The following KALRN variants were observed in gnomAD, a reference collection of about 807,000 sequenced individuals.
The protein encoded by KALRN is kalirin.
Under a neutral mutation model 353.7 loss-of-function variants are expected in KALRN, and 70 were observed. The ratio of observed to expected loss-of-function variants is 0.20; its 90% confidence interval spans 0.16 to 0.24. KALRN has a LOEUF of 0.24. Ranked by LOEUF, KALRN falls within the 10% of genes least tolerant of loss-of-function variation. The pLI is 1.00. For missense variants in KALRN, 2,791 were observed against 3,756.7 expected (o/e 0.74, Z 6.72); for synonymous variants, 1,391 against 1,434.8 (o/e 0.97, Z 0.69).
At chr3:124,482,228 G>A (rs1294693939) in intron 27 of KALRN, among the ~76,000 whole-genome samples, 1 of 152,214 alleles carries the variant, frequency 6.6e-6, no homozygotes, top group African/African-American at 2.4e-5. Flanking sequence ...GAAGAATGAA[G>A]GAGGTGCTAT....
At chr3:124,356,955 T>C (rs2083487632) in intron 10 of KALRN, among the ~76,000 whole-genome samples, 1 of 152,212 alleles carries the variant, frequency 6.6e-6, no homozygotes, top group Non-Finnish European at 1.5e-5. Context: ...CCATTGGCTC[T>C]GTGGACACCT....
At chr3:124,044,251 C>G (rs1156487501) in intron 1 of KALRN, among the ~76,000 whole-genome samples, 1 of 152,136 alleles carries the variant, frequency 6.6e-6, no homozygotes, top group East Asian at 1.9e-4. Flanking sequence ...CTCCAGAGGG[C>G]TGGGGAGTAG....
intron 1 of KALRN, among the ~76,000 whole-genome samples, chr3:124,137,231 T>C (rs2066035409): frequency 6.6e-6 from 1 of 152,192 alleles, no homozygotes; most frequent in Admixed American, 6.5e-5. Context: ...AACACTGTTC[T>C]AGATGCTGTA....
chr3:124,482,942 C>A, intron 28 of KALRN, 42 bp downstream of exon 28: 1 of 1,362,818 alleles, frequency 7.3e-7, no homozygotes, highest in Non-Finnish European at 1.1e-6. Context: ...CTGCCTACTG[C>A]CTGGGGCAAG....
chr3:124,360,470 G>A (rs2083907251), intron 10 of KALRN, among the ~76,000 whole-genome samples: 1 of 152,160 alleles, frequency 6.6e-6, no homozygotes, highest in Non-Finnish European at 1.5e-5. Context: ...TCTGCCTAGT[G>A]GCCCTCCTCA....
chr3:124,313,393 C>T (rs1453993477), intron 6 of KALRN, among the ~76,000 whole-genome samples: 1 of 152,228 alleles, frequency 6.6e-6, no homozygotes, highest in African/African-American at 2.4e-5. Flanking sequence ...CCAGCCAGAC[C>T]TGTTCTTATC....
intron 6 of KALRN, among the ~76,000 whole-genome samples, chr3:124,325,179 T>C (rs1175160911): frequency 3.3e-5 from 5 of 152,190 alleles, no homozygotes; most frequent in Non-Finnish European, 5.9e-5. Context: ...TGGGAATGAA[T>C]GTAAACAAAA....
At chr3:124,586,505 T>C (rs2075201145) in intron 34 of KALRN, among the ~76,000 whole-genome samples, 1 of 152,176 alleles carries the variant, frequency 6.6e-6, no homozygotes, top group Non-Finnish European at 1.5e-5. Flanking sequence ...ATTGCCCGAC[T>C]TTCACTCTCG....
chr3:124,601,265 A>G (rs1372119060), intron 34 of KALRN, among the ~76,000 whole-genome samples: 1 of 152,228 alleles, frequency 6.6e-6, no homozygotes, highest in African/African-American at 2.4e-5. Flanking sequence ...TATGGAATGC[A>G]CTCAGTAAGT....
intron 1 of KALRN, among the ~76,000 whole-genome samples, chr3:124,176,266 T>A (rs1171831568): frequency 6.6e-6 from 1 of 152,198 alleles, no homozygotes; most frequent in Non-Finnish European, 1.5e-5. Flanking sequence ...ACGGGATGAC[T>A]GGAGTTCCCA....
At chr3:124,587,978 A>G (rs1033688539) in intron 34 of KALRN, among the ~76,000 whole-genome samples, 1 of 152,064 alleles carries the variant, frequency 6.6e-6, no homozygotes, top group Non-Finnish European at 1.5e-5. Context: ...ACAGGCGTGA[A>G]CCACTGCACT....
intron 15 of KALRN, among the ~76,000 whole-genome samples, chr3:124,429,983 C>G (rs772258841): frequency 6.6e-6 from 1 of 152,136 alleles, no homozygotes; most frequent in African/African-American, 2.4e-5. Flanking sequence ...TCAGGTGTGA[C>G]CTGGGTATTC....
chr3:124,584,532 C>A, intron 34 of KALRN: 2 of 1,001,118 alleles, frequency 2.0e-6, no homozygotes, highest in Non-Finnish European at 2.7e-6. Context: ...AGCGTTGGTG[C>A]CACAGGCAGC....
At chr3:124,289,178 TG>T (rs146899658) in intron 5 of KALRN, among the ~76,000 whole-genome samples, 29 of 151,722 alleles carry the variant, frequency 1.9e-4, no homozygotes, top group Non-Finnish European at 2.8e-4. Flanking sequence ...AATTCCATCA[TG>T]GGGGGGGTCC....
Position 124,719,602 on chromosome 3 carries a change from A to C in KALRN, c.*132A>C. 1 of 859,266 alleles carries C rather than the reference A, an allele frequency of 1.2e-6. No individual in the cohort carries two copies. Among genetic ancestry groups the C allele is most frequent in the Non-Finnish European group, 1.8e-6 (1 of 567,370 alleles). The allele number at this position is 859,266 out of a possible 1,614,324, so 53.2% of individuals were successfully genotyped here. On this transcript the variant is annotated 3_prime_UTR_variant, in exon 60 of 60. Transcript: ENST00000682506. This position sits in a 1 kb window ranked among gnomAD's most constrained non-coding sequence, Gnocchi z 5.3. ...CTGAATTGAGAGATGTACCTCTTAA[A>C]CCTCGTCAGTGGTTATTCAGGGTCT... is the stretch of plus-strand genomic sequence containing the variant.
intron 21 of KALRN, among the ~76,000 whole-genome samples, chr3:124,454,356 G>C (rs1013983812): frequency 6.6e-6 from 1 of 152,152 alleles, no homozygotes; most frequent in African/African-American, 2.4e-5. Flanking sequence ...CTAAGCCTCA[G>C]ATTTTTTTCA....
At chr3:124,186,023 TCA>T (rs2074181914) in intron 1 of KALRN, among the ~76,000 whole-genome samples, 3 of 152,098 alleles carry the variant, frequency 2.0e-5, no homozygotes, top group African/African-American at 7.2e-5. Context: ...ATTGTTAGAG[TCA>T]CACTTTCATG....
intron 6 of KALRN, among the ~76,000 whole-genome samples, chr3:124,307,834 T>C (rs2077857004): frequency 6.6e-6 from 1 of 152,022 alleles, no homozygotes; most frequent in African/African-American, 2.4e-5. Flanking sequence ...CAGACTGGAT[T>C]TAAAAACCAA....
chr3:124,685,620 C>T (rs1408241197), intron 51 of KALRN, among the ~76,000 whole-genome samples: 1 of 152,192 alleles, frequency 6.6e-6, no homozygotes, highest in Non-Finnish European at 1.5e-5. Context: ...AGAATTTCTT[C>T]AACAACTTTT....
Sources: allele counts gnomAD v4.1 joint callset (sites outside exome capture counted in the v4.1 genomes callset), GRCh38; gene constraint gnomAD v4.1.1; non-coding constraint Gnocchi (gnomAD v3.1); transcripts MANE v1.5; gene names NCBI Gene and HGNC (gene_info 2026-07-23, HGNC 2026-07-21).